ANKK1: variants seen among roughly 807,000 people sequenced by gnomAD.
ANKK1 encodes the protein ankyrin repeat and kinase domain containing 1, also known as ankyrin repeat and protein kinase domain-containing protein 1.
In ANKK1, 37 loss-of-function variants were observed where a neutral mutation model predicts 37.6. The ratio of observed to expected loss-of-function variants is 0.98; its 90% CI spans 0.76 to 1.29. The LOEUF (loss-of-function observed/expected upper bound fraction) is 1.29, where lower values mean the gene tolerates loss of function less well. ANKK1 is among the 50% of genes most tolerant of loss of function. The probability of loss-of-function intolerance (pLI) is 0.00; values close to 1 mark genes in which losing one functional copy is unlikely to be tolerated. For missense variants in ANKK1, 1,019 were observed against 990.6 expected, an observed-to-expected ratio of 1.03 and a Z score of -0.39; for synonymous variants, 415 against 418.7, an observed-to-expected ratio of 0.99 and a Z score of 0.11.
intron 2 of ANKK1, among the ~76,000 whole-genome samples, chr11:113,394,272 T>C (rs1950617832): frequency 6.6e-6 from 1 of 152,212 alleles, no homozygotes; most frequent in Admixed American, 6.5e-5. Context: ...ATTATATGCC[T>C]TCACTGTACC....
intron 1 of ANKK1, among the ~76,000 whole-genome samples, chr11:113,388,878 A>G (rs960099855): frequency 6.6e-6 from 1 of 152,216 alleles, no homozygotes; most frequent in East Asian, 1.9e-4. Flanking sequence ...AAACCTGAGC[A>G]TGATAACCAT....
intron 2 of ANKK1, among the ~76,000 whole-genome samples, chr11:113,394,152 G>A (rs1005084677): frequency 1.3e-5 from 2 of 152,024 alleles, no homozygotes; most frequent in Non-Finnish European, 2.9e-5. Flanking sequence ...GACCTTTGCA[G>A]CTTCTGTTTC....
rs974220272 is a variant in ANKK1 at position 113,399,425 on chromosome 11, G to C, written c.1456G>C (p.Asp486His). The C allele has an allele frequency of 6.2e-7, 1 of 1,600,210 alleles. No homozygotes were observed. Among genetic ancestry groups the C allele is most frequent in the African/African-American group, 1.3e-5 (1 of 74,630 alleles). ...VARLLVSRQA[D>H]PNLHEAEGKT... ...ACGGCTTCTGGTCTCCCGTCAGGCT[G>C]ACCCCAACCTGCATGAGGCTGAGGG... is the stretch of plus-strand genomic sequence containing the variant. The change falls in exon 8 of 8, where the codon GAC becomes CAC. Residue 486 changes from aspartate (D) to histidine (H), a missense_variant. Physicochemically the swap from Asp to His is moderately conservative, Grantham distance 81 (BLOSUM62 -1). Coordinates refer to ENST00000303941, the MANE Select transcript of ANKK1 (RefSeq NM_178510.2).
chr11:113,394,886 G>A (rs1392157119), intron 2 of ANKK1, 43 bp from the exon 3 acceptor site: 1 of 1,601,872 alleles, frequency 6.2e-7, no homozygotes, highest in East Asian at 2.2e-5. Context: ...TTCTGGTCAT[G>A]AGGCTCTATC....
In ANKK1 at chr11:113,399,832, T is replaced by C; in HGVS notation, c.1863T>C (p.Ala621=). 1 of 1,609,146 alleles carries C rather than the reference T, an allele frequency of 6.2e-7. No individual in the cohort carries two copies. Among genetic ancestry groups the C allele is most frequent in the Non-Finnish European group, 8.5e-7 (1 of 1,178,164 alleles). Residue 621 remains alanine, a synonymous_variant, in exon 8 of 8, where the codon GCT becomes GCC. Transcript: ENST00000303941. ...LLAESHANMG[A]LGAVNWTPLH... ...CAGAGAGCCACGCAAACATGGGTGC[T>C]CTTGGAGCTGTGAACTGGACTCCCC...
chr11:113,394,613 C>T, intron 2 of ANKK1: 1 of 490,606 alleles, frequency 2.0e-6, no homozygotes, highest in Non-Finnish European at 4.0e-6. Flanking sequence ...GATAATAACA[C>T]CTACCACATC....
chr11:113,395,914 T>C (rs554464632), intron 4 of ANKK1, among the ~76,000 whole-genome samples, 153 bp from the exon 5 acceptor site: 1 of 152,196 alleles, frequency 6.6e-6, no homozygotes, highest in East Asian at 1.9e-4. Context: ...GAACCTCAAG[T>C]TGGTTGAAAG....
intron 5 of ANKK1, 47 bp downstream of exon 5, chr11:113,396,269 C>T (rs746810790): frequency 6.2e-7 from 1 of 1,601,760 alleles, no homozygotes; most frequent in Non-Finnish European, 8.5e-7. Flanking sequence ...CTGGGTGGGG[C>T]CGGGAGGGGA....
intron 2 of ANKK1, among the ~76,000 whole-genome samples, chr11:113,394,379 G>A (rs12289164): frequency 0.018 from 2,757 of 152,272 alleles, 83 homozygotes; most frequent in African/African-American, 0.062. Flanking sequence ...AAGTATTTAC[G>A]AGGATATGGA....
Position 113,388,004 on chromosome 11 carries a change from G to A in ANKK1, c.120G>A (p.Arg40=). ...GCTTCAGCCAGGTGTTCCAGGCGCG[G>A]CACAGGCGCTGGCGGACGGAGTACG... ...SGGFSQVFQA[R]HRRWRTEYAI... The change falls in exon 1 of 8, where the codon CGG becomes CGA. Residue 40 remains arginine (R), a synonymous_variant. Transcript: ENST00000303941. 1 of 1,569,150 alleles carries A rather than the reference G, an allele frequency of 6.4e-7. No individual in the cohort carries two copies. Among genetic ancestry groups the A allele is most frequent in the Non-Finnish European group, 8.6e-7 (1 of 1,163,072 alleles).
rs76868518 is a variant in ANKK1 at position 113,398,034 on chromosome 11, G to A, written c.994+18G>A. The A allele has an allele frequency of 2.2e-5, 35 of 1,563,596 alleles. No individual in the cohort carries two copies. Among genetic ancestry groups the A allele is most frequent in the Admixed American group, 1.9e-5 (1 of 52,534 alleles). ...GGACAGTGGTGAGTCTGGGTGCCAC[G>A]GGCGGGACCAGAGAACTCACAGCAG... On this transcript the variant is annotated intron_variant, in intron 7 of 7. Transcript: ENST00000303941.
chr11:113,397,229 A>G lies in ANKK1; in HGVS notation c.844A>G (p.Thr282Ala), dbSNP rs1565652074. ...TTCTCCCACTCATGGAGCAGACATT[A>G]CCATCGAGACAGACATACTGCTGTC... ...PKKRPCFLDI[T>A]IETDILLSLL... The change falls in exon 6 of 8, where the codon ACC (threonine) becomes GCC (alanine). Residue 282 changes from threonine to alanine, a missense_variant. Physicochemically the swap from Thr to Ala is moderately conservative, Grantham distance 58. Coordinates refer to ENST00000303941, the MANE Select transcript of ANKK1 (RefSeq NM_178510.2). The G allele has an allele frequency of 6.2e-7, 1 of 1,607,416 alleles. No individual in the cohort carries two copies. Among genetic ancestry groups the G allele is most frequent in the Admixed American group, 1.7e-5 (1 of 59,998 alleles).
At chr11:113,391,057 T>A (rs531538356) in intron 1 of ANKK1, among the ~76,000 whole-genome samples, 1 of 152,356 alleles carries the variant, frequency 6.6e-6, no homozygotes, top group African/African-American at 2.4e-5. Flanking sequence ...GACTTCTCTG[T>A]GAAATCCATA....
chr11:113,395,987 C>T (rs1950634623), intron 4 of ANKK1, 80 bp from the exon 5 acceptor site: 8 of 1,541,532 alleles, frequency 5.2e-6, no homozygotes, highest in Non-Finnish European at 7.1e-6. Flanking sequence ...TGTTGGGATC[C>T]TCAGAGCCCC....
rs1950692057 is a variant in ANKK1 at position 113,400,181 on chromosome 11, C to T, written c.2212C>T (p.Gln738Ter). The T allele has an allele frequency of 6.4e-7, 1 of 1,573,298 alleles. No individual in the cohort carries two copies. Among genetic ancestry groups the T allele is most frequent in the African/African-American group, 1.4e-5 (1 of 73,842 alleles). Residue 738 changes from glutamine to a stop codon, truncating the protein, a stop_gained, in exon 8 of 8, where the codon CAG becomes TAG. Transcript: ENST00000303941. LOFTEE classifies it low-confidence loss of function (END_TRUNC). ...GCAACTGGCCCTCCGCAGCCGAAAG[C>T]AGGGCATCATGTCCTTCCTAGAGGG... ...PLQLALRSRK[Q>*]GIMSFLEGKE...
In ANKK1 at chr11:113,393,724, C is replaced by T. The variant is rs1405995184; in HGVS notation, c.429C>T (p.His143=). 6.2e-7 allele frequency: 1 copy of T among 1,613,308 alleles called. No homozygotes were observed. Among genetic ancestry groups the T allele is most frequent in the Admixed American group, 1.7e-5 (1 of 60,024 alleles). ...FLHSIKPPLL[H]LDLKPGNILL... ...ACAGCATTAAGCCGCCTCTGCTCCA[C>T]CTGGACCTCAAGCCGGGCAACATAC... The change falls in exon 2 of 8, where the codon CAC becomes CAT. Residue 143 remains histidine (H), a synonymous_variant. Transcript: ENST00000303941.
At chr11:113,397,824 G>A (rs1950651443) in intron 6 of ANKK1, among the ~76,000 whole-genome samples, 156 bp from the exon 7 acceptor site, 1 of 152,210 alleles carries the variant, frequency 6.6e-6, no homozygotes, top group African/African-American at 2.4e-5. Flanking sequence ...GACAGCTGGG[G>A]ATAGTCATGG....
At position 113,393,792 on chromosome 11, in the gene ANKK1, ATCC is replaced by A; in HGVS notation, c.480+21_480+23del. 6.3e-7 allele frequency: 1 copy of A among 1,577,738 alleles called. No individual in the cohort carries two copies. Among genetic ancestry groups the A allele is most frequent in the Non-Finnish European group, 8.6e-7 (1 of 1,164,966 alleles). ...CATGTCAAAGTAAGGGCTCTGGCCA[ATCC>A]TCCGCTCCCTTTCACTTGAGGGTTG... On this transcript the variant is annotated intron_variant, in intron 2 of 7. Transcript: ENST00000303941.
chr11:113,396,690 A>C (rs1400120758), intron 5 of ANKK1, among the ~76,000 whole-genome samples: 2 of 152,150 alleles, frequency 1.3e-5, no homozygotes, highest in African/African-American at 4.8e-5. Context: ...GGAAGGCAGC[A>C]CTGGGAGCCA....
Sources: allele counts gnomAD v4.1 joint callset (sites outside exome capture counted in the v4.1 genomes callset), GRCh38; gene constraint gnomAD v4.1.1; transcripts MANE v1.5; gene names NCBI Gene and HGNC (gene_info 2026-07-23, HGNC 2026-07-21).